ARHGEF10L: variants seen among roughly 807,000 people sequenced by gnomAD.
ARHGEF10L encodes the protein rho guanine nucleotide exchange factor 10-like protein.
ARHGEF10L carries 69 observed loss-of-function variants against 141.2 expected under a neutral mutation model. The ratio of observed to expected loss-of-function variants is 0.49; its 90% CI spans 0.40 to 0.60. ARHGEF10L has a LOEUF of 0.60. Ranked by LOEUF, ARHGEF10L falls within the 20% of genes least tolerant of loss-of-function variation. ARHGEF10L has a pLI of 0.00. For missense variants in ARHGEF10L, 1,482 were observed against 1,734.3 expected, an observed-to-expected ratio of 0.85 and a Z score of 2.58; for synonymous variants, 711 against 718.5, an observed-to-expected ratio of 0.99 and a Z score of 0.17.
chr1:17,594,094 G>C (rs1215611808), intron 4 of ARHGEF10L, among the ~76,000 whole-genome samples: 1 of 151,664 alleles, frequency 6.6e-6, no homozygotes, highest in Non-Finnish European at 1.5e-5. Flanking sequence ...GCCAGGCCAT[G>C]TTATTTTTAT....
rs2076646132 is a variant in ARHGEF10L, at chr1:17,539,766, G to T, written c.-228G>T. 6.8e-6 allele frequency: 1 copy of T among 146,512 alleles called. No homozygotes were observed. The highest frequency in any genetic ancestry group is 1.5e-5 in the Non-Finnish European group (1 of 65,686). 9.1% of individuals were successfully genotyped at this position (146,512 alleles called of 1,614,324 possible). ...GGCGGGCGCGGGCGCAGTCCCGGCGGGCCCGGACCTCGCGGGCGGGCGGGC... is the reference window on the plus strand; with the variant it reads ...GGCGGGCGCGGGCGCAGTCCCGGCGTGCCCGGACCTCGCGGGCGGGCGGGC... On this transcript the variant is annotated 5_prime_UTR_variant, in exon 1 of 29. Transcript: ENST00000361221. The surrounding 1 kb of genome is among the most constrained non-coding windows in gnomAD (Gnocchi z 6.0).
Position 17,618,626 on chromosome 1 carries a change from C to T in ARHGEF10L, c.836-713C>T, listed in dbSNP as rs1267520205. ...CACAGCTCCCATTTCCTGCTGCCCA[C>T]AGCCACCGCTGGAGTCAGAGCCATT... On this transcript the variant is annotated intron_variant, in intron 9 of 28. Transcript: ENST00000361221. 5 of 865,282 alleles carry T rather than the reference C, an allele frequency of 5.8e-6. No homozygotes were observed. In the Admixed American group the frequency reaches 1.5e-4, roughly 26 times the overall value. 53.6% of individuals were successfully genotyped at this position (865,282 alleles called of 1,614,324 possible). A position where few individuals can be genotyped will look rare whatever the true frequency, so the allele number is the denominator to read the frequency against.
Position 17,654,818 on chromosome 1 carries a change from G to C in ARHGEF10L, c.2481+96G>C. On this transcript the variant is annotated intron_variant, in intron 23 of 28. Transcript: ENST00000361221. The surrounding 1 kb of genome is among the most constrained non-coding windows in gnomAD (Gnocchi z 4.3). ...GGGGTGCTGGAGACAGCAGCTGCCT[G>C]CCTCATCTCATGCAGCTTCATCCAC... The C allele has an allele frequency of 8.7e-7, 1 of 1,145,018 alleles. No individual in the cohort carries two copies. The highest frequency in any genetic ancestry group is 1.3e-6 in the Non-Finnish European group (1 of 765,522). 70.9% of individuals were successfully genotyped at this position (1,145,018 alleles called of 1,614,324 possible).
At chr1:17,571,594 T>C (rs2246144) in intron 1 of ARHGEF10L, among the ~76,000 whole-genome samples, 7,354 of 152,206 alleles carry the variant, frequency 0.048, 221 homozygotes, top group Non-Finnish European at 0.064. Flanking sequence ...AGTGCAGTAG[T>C]GCGATCTTGG....
intron 22 of ARHGEF10L, among the ~76,000 whole-genome samples, chr1:17,649,166 T>C (rs2061768155): frequency 6.6e-6 from 1 of 152,180 alleles, no homozygotes; most frequent in Admixed American, 6.5e-5. Context: ...ACCTTGCGAG[T>C]AGATGTTTCT....
intron 21 of ARHGEF10L, among the ~76,000 whole-genome samples, chr1:17,646,209 C>G (rs571830572): frequency 1.3e-5 from 2 of 152,356 alleles, no homozygotes; most frequent in East Asian, 3.9e-4. Context: ...CCACCTCATT[C>G]CAGCTCCTCT....
chr1:17,590,441 G>C (rs754655380), intron 4 of ARHGEF10L, among the ~76,000 whole-genome samples: 1 of 152,096 alleles, frequency 6.6e-6, no homozygotes, highest in Non-Finnish European at 1.5e-5. Flanking sequence ...AGAGCAAAAA[G>C]AGCCGGCTCT....
At chr1:17,520,496 C>T in the ARHGEF10L span, among the ~76,000 whole-genome samples, 150 of 152,350 alleles carry the variant, frequency 9.8e-4, 1 homozygote, top group African/African-American at 3.4e-3. Flanking sequence ...CTCTGCCCCT[C>T]GCTAAATTGG....
At chr1:17,580,727 C>T (rs907422582) in intron 2 of ARHGEF10L, 95 bp downstream of exon 2, 52 of 1,492,978 alleles carry the variant, frequency 3.5e-5, no homozygotes, top group Middle Eastern at 1.9e-4. Flanking sequence ...AGCATGGCGC[C>T]GGGTGGGAAG....
At chr1:17,576,307 C>T (rs1426350136) in intron 1 of ARHGEF10L, among the ~76,000 whole-genome samples, 2 of 151,936 alleles carry the variant, frequency 1.3e-5, no homozygotes, top group African/African-American at 4.8e-5. Context: ...TTAGCCAAGC[C>T]AGGAAGACAC....
chr1:17,617,946 C>T (rs911759377), intron 9 of ARHGEF10L, among the ~76,000 whole-genome samples: 1 of 152,156 alleles, frequency 6.6e-6, no homozygotes, highest in Non-Finnish European at 1.5e-5. Context: ...ACTTTTTCCC[C>T]TCTTGGGGCG....
chr1:17,649,469 C>A (rs923410233), intron 22 of ARHGEF10L, among the ~76,000 whole-genome samples: 10 of 152,300 alleles, frequency 6.6e-5, no homozygotes, highest in African/African-American at 2.4e-4. Flanking sequence ...CCAAGAGATG[C>A]GCCGATTGGG....
intron 1 of ARHGEF10L, among the ~76,000 whole-genome samples, chr1:17,578,890 G>T (rs1378136593): frequency 6.6e-6 from 1 of 152,190 alleles, no homozygotes; most frequent in African/African-American, 2.4e-5. Context: ...ATGAAACAAG[G>T]CATATCTGCA....
Position 17,623,171 on chromosome 1 carries a change from C to A in ARHGEF10L, c.1196C>A (p.Ala399Asp). 1 of 1,611,804 alleles carries A rather than the reference C, an allele frequency of 6.2e-7. No individual in the cohort carries two copies. Among genetic ancestry groups the A allele is most frequent in the East Asian group, 2.2e-5 (1 of 44,834 alleles). Residue 399 changes from alanine to aspartate, a missense_variant, in exon 12 of 29, where the codon GCC becomes GAC. Transcript: ENST00000361221. The surrounding 1 kb of genome is among the most constrained non-coding windows in gnomAD (Gnocchi z 4.7). Reference protein sequence around the residue: ...STEKIGDLFVASFSKSMVLDV... With the variant: ...STEKIGDLFVDSFSKSMVLDV... ...GAGAAGATCGGGGACCTCTTCGTGG[C>A]CTCGGTAAGTGTCCCCAAACTTTTT...
intron 27 of ARHGEF10L, chr1:17,690,021 T>G (rs1261737725): frequency 8.4e-6 from 3 of 357,760 alleles, no homozygotes; most frequent in Non-Finnish European, 1.7e-5. Flanking sequence ...GTTGTTATGA[T>G]GATGATTTGA....
intron 9 of ARHGEF10L, chr1:17,618,339 A>G (rs1427539592): frequency 6.6e-7 from 1 of 1,525,426 alleles, no homozygotes; most frequent in South Asian, 1.2e-5. Context: ...GCAGGGCTCG[A>G]ATCACAGGCC....
the ARHGEF10L span, among the ~76,000 whole-genome samples, chr1:17,515,101 G>A: frequency 6.6e-6 from 1 of 152,080 alleles, no homozygotes; most frequent in African/African-American, 2.4e-5. Context: ...AAGTTGGTGC[G>A]GGAATCACAT....
rs1291990982 is a variant in ARHGEF10L at position 17,573,208 on chromosome 1, C to A, written c.-43-7345C>A. On this transcript the variant is annotated intron_variant, in intron 1 of 28. Transcript: ENST00000361221. This position sits in a 1 kb window ranked among gnomAD's most constrained non-coding sequence, Gnocchi z 4.8. ...AAAAAGGAGGTGAGGAAACCCACCTCTCAGGCTGCCTGCAGCCTAAACACA... is the reference window on the plus strand; with the variant it reads ...AAAAAGGAGGTGAGGAAACCCACCTATCAGGCTGCCTGCAGCCTAAACACA... Among the ~76,000 whole-genome samples, 5 of 152,212 alleles carry A rather than the reference C, an allele frequency of 3.3e-5. No individual in the cohort carries two copies. The highest frequency in any genetic ancestry group is 1.2e-4 in the African/African-American group (5 of 41,456).
intron 4 of ARHGEF10L, among the ~76,000 whole-genome samples, chr1:17,601,210 T>C (rs74059341): frequency 0.13 from 19,747 of 152,204 alleles, 1,403 homozygotes; most frequent in African/African-American, 0.15. Flanking sequence ...AAAAACACCA[T>C]GGAGGTGAAG....
Sources: allele counts gnomAD v4.1 joint callset (sites outside exome capture counted in the v4.1 genomes callset), GRCh38; gene constraint gnomAD v4.1.1; non-coding constraint Gnocchi (gnomAD v3.1); transcripts MANE v1.5; gene names NCBI Gene and HGNC (gene_info 2026-07-23, HGNC 2026-07-21).